The following OXNAD1 variants were observed in gnomAD, a reference collection of about 807,000 sequenced individuals.
The protein encoded by OXNAD1 is oxidoreductase NAD binding domain containing 1.
In OXNAD1, 34 loss-of-function variants were observed where a neutral mutation model predicts 32.9. The observed-to-expected ratio is 1.03, with a 90% CI of 0.79 to 1.38. OXNAD1 has a LOEUF of 1.38. OXNAD1 is among the 40% of genes most tolerant of loss of function. The probability of loss-of-function intolerance (pLI) is 0.00; values close to 1 mark genes in which losing one functional copy is unlikely to be tolerated. For missense variants in OXNAD1, 407 were observed against 379.4 expected, an observed-to-expected ratio of 1.07 and a Z score of -0.60; for synonymous variants, 134 against 135.2, an observed-to-expected ratio of 0.99 and a Z score of 0.06.
chr3:16,316,312 T>G lies in OXNAD1; in HGVS notation c.*30+12720T>G, dbSNP rs1362651771. 1 of 161,698 alleles carries G rather than the reference T, an allele frequency of 6.2e-6. No individual in the cohort carries two copies. Among genetic ancestry groups the G allele is most frequent in the Non-Finnish European group, 1.3e-5 (1 of 75,074 alleles). The allele number at this position is 161,698 out of a possible 1,614,324, so 10.0% of individuals were successfully genotyped here. On this transcript the variant is annotated intron_variant, in intron 9 of 9. Coordinates refer to the OXNAD1 transcript ENST00000435829. This position sits in a 1 kb window ranked among gnomAD's most constrained non-coding sequence, Gnocchi z 4.5. ...ACCTCCCCTCCCCAATGTCATTTTC[T>G]TTGTCAAAGCAGAAGAGTCGAAGGG...
In OXNAD1 at chr3:16,302,722, A is replaced by G. The variant is rs148739171; in HGVS notation, c.758A>G (p.Asn253Ser). 2.2e-5 allele frequency: 35 copies of G among 1,612,996 alleles called. No homozygotes were observed. In the African/African-American group the frequency reaches 4.3e-4, roughly 20 times the overall value. The change falls in exon 8 of 9, where the codon AAT becomes AGT. Residue 253 changes from asparagine to serine, a missense_variant. Physicochemically the swap from Asn to Ser is conservative, Grantham distance 46. Transcript: ENST00000285083. This position sits in a 1 kb window ranked among gnomAD's most constrained non-coding sequence, Gnocchi z 4.2. Reference protein sequence around the residue: ...LHVTKQTTQINAELKPYITEG... With the variant: ...LHVTKQTTQISAELKPYITEG... The stretch of plus-strand genomic sequence containing the variant: ...GTTACAAAACAGACTACACAAATCA[A>G]TGCGGAACTCAAGCCATACATCACG...
chr3:16,325,455 C>G (rs1220065649), intron 9 of OXNAD1, among the ~76,000 whole-genome samples: 4 of 152,186 alleles, frequency 2.6e-5, no homozygotes, highest in African/African-American at 9.7e-5. Flanking sequence ...CCAGCTGGGC[C>G]TTCACATTCA....
At chr3:16,295,257 G>A (rs1356534508) in intron 6 of OXNAD1, among the ~76,000 whole-genome samples, 2 of 152,116 alleles carry the variant, frequency 1.3e-5, no homozygotes, top group Admixed American at 6.5e-5. Flanking sequence ...TTATATTTTA[G>A]ACAAGTTCTA....
intron 9 of OXNAD1, among the ~76,000 whole-genome samples, chr3:16,328,482 G>A (rs2069959280): frequency 6.6e-6 from 1 of 152,232 alleles, no homozygotes; most frequent in African/African-American, 2.4e-5. Context: ...GGCTTTTAAA[G>A]CTTCTATAAC....
At chr3:16,282,367 TAA>T (rs60328037) in intron 4 of OXNAD1, among the ~76,000 whole-genome samples, 21,139 of 145,492 alleles carry the variant, frequency 0.15, 1,594 homozygotes, top group African/African-American at 0.18. Context: ...CCACCCAGCT[TAA>T]AAAAAAAAAA....
At position 16,334,745 on chromosome 3, in the gene OXNAD1, C is replaced by T. The variant is rs150666613; in HGVS notation, c.*31-2367C>T. 6.6e-6 allele frequency among the ~76,000 whole-genome samples: 1 copy of T among 152,184 alleles called. No individual in the cohort carries two copies. The highest frequency in any genetic ancestry group is 2.4e-5 in the African/African-American group (1 of 41,440). ...GCCCCAAAGATGTCTACAGCCTAAT[C>T]CCAGGAGCCTGTGAAAATGTTCCCT... On this transcript the variant is annotated intron_variant, in intron 9 of 9. Coordinates refer to the OXNAD1 transcript ENST00000435829. This position sits in a 1 kb window ranked among gnomAD's most constrained non-coding sequence, Gnocchi z 4.3.
rs2067289125 is a variant in OXNAD1, at chr3:16,302,852, A to T, written c.784+104A>T. ...TATTGTTGGAAGCTGCTGGCTGGGAATGTCACTATCTGGGGAATTGGGATG... is the reference window on the plus strand; with the variant it reads ...TATTGTTGGAAGCTGCTGGCTGGGATTGTCACTATCTGGGGAATTGGGATG... On this transcript the variant is annotated intron_variant, in intron 8 of 8. Coordinates refer to ENST00000285083, the MANE Select transcript of OXNAD1 (RefSeq NM_138381.5). The surrounding 1 kb of genome is among the most constrained non-coding windows in gnomAD (Gnocchi z 4.2). The T allele has an allele frequency of 7.0e-6, 6 of 852,774 alleles. No individual in the cohort carries two copies. The highest frequency in any genetic ancestry group is 1.1e-5 in the Non-Finnish European group (6 of 525,752). 52.8% of individuals were successfully genotyped at this position (852,774 alleles called of 1,614,324 possible).
At chr3:16,282,970 G>A (rs913540489) in intron 4 of OXNAD1, among the ~76,000 whole-genome samples, 1 of 151,880 alleles carries the variant, frequency 6.6e-6, no homozygotes, top group Non-Finnish European at 1.5e-5. Context: ...CAAGGTAGTA[G>A]TTCAAGTGAG....
In OXNAD1 at chr3:16,303,647, T is replaced by C; in HGVS notation, c.*85T>C. ...TTTGTGGCATGATTAATTTTTTTTA[T>C]CTCTACTTGAGTTGTCTTATTTTTT... On this transcript the variant is annotated 3_prime_UTR_variant, in exon 9 of 9. Coordinates refer to ENST00000285083, the MANE Select transcript of OXNAD1 (RefSeq NM_138381.5). This position sits in a 1 kb window ranked among gnomAD's most constrained non-coding sequence, Gnocchi z 4.8. 7.1e-7 allele frequency: 1 copy of C among 1,409,006 alleles called. No individual in the cohort carries two copies. Among genetic ancestry groups the C allele is most frequent in the Non-Finnish European group, 9.5e-7 (1 of 1,054,464 alleles). The allele number at this position is 1,409,006 out of a possible 1,614,324, so 87.3% of individuals were successfully genotyped here.
At position 16,348,604 on chromosome 3, in the gene OXNAD1, G is replaced by A. The variant is rs1411429775; in HGVS notation, c.*31-572G>A. On this transcript the variant is annotated intron_variant, in intron 9 of 9. Coordinates refer to the OXNAD1 transcript ENST00000606098. The surrounding 1 kb of genome is among the most constrained non-coding windows in gnomAD (Gnocchi z 6.3). The stretch of plus-strand genomic sequence containing the variant: ...TGCCTTCCCATTTCCTTTGTAGGAT[G>A]TCTTCTTCCCGAGGCTCCTTGATGT... Among the ~76,000 whole-genome samples, 1 of 152,178 alleles carries A rather than the reference G, an allele frequency of 6.6e-6. No individual in the cohort carries two copies. Among genetic ancestry groups the A allele is most frequent in the Non-Finnish European group, 1.5e-5 (1 of 68,020 alleles).
rs2071505986 is a variant in OXNAD1 at position 16,344,397 on chromosome 3, T to G, written c.*31-4779T>G. Among the ~76,000 whole-genome samples the G allele has an allele frequency of 6.6e-6, 1 of 151,940 alleles. No individual in the cohort carries two copies. The highest frequency in any genetic ancestry group is 1.5e-5 in the Non-Finnish European group (1 of 67,996). Reference sequence around the variant, plus strand: ...ACTATAATCTAATTTAGAAACAACATGTAAAAACAGATACATTCAGAAAAG... The same window carrying G: ...ACTATAATCTAATTTAGAAACAACAGGTAAAAACAGATACATTCAGAAAAG... On this transcript the variant is annotated intron_variant, in intron 9 of 9. Coordinates refer to the OXNAD1 transcript ENST00000606098. The surrounding 1 kb of genome is among the most constrained non-coding windows in gnomAD (Gnocchi z 4.4).
At chr3:16,285,579 A>G (rs1311966255) in intron 4 of OXNAD1, among the ~76,000 whole-genome samples, 1 of 152,246 alleles carries the variant, frequency 6.6e-6, no homozygotes, top group East Asian at 1.9e-4. Flanking sequence ...GTGTTGAGCC[A>G]TGAATGGCAC....
intron 9 of OXNAD1, among the ~76,000 whole-genome samples, chr3:16,332,838 T>TCTAC (rs10662085): frequency 0.51 from 76,851 of 151,214 alleles, 19,534 homozygotes; most frequent in African/African-American, 0.54. Context: ...CATCGATTTA[T>TCTAC]CTACCTACCT....
In OXNAD1 at chr3:16,301,808, T is replaced by C; in HGVS notation, c.615T>C (p.Tyr205=). ...LREQANKRNG[Y]EIGTIKLFYS... is the part of the protein sequence containing the mutation. ...AGCAGGCAAACAAAAGAAATGGATA[T>C]GAGATAGGAACAATAAAACTATTCT... Residue 205 remains tyrosine, a synonymous_variant, in exon 7 of 9, where the codon TAT becomes TAC. Coordinates refer to ENST00000285083, the MANE Select transcript of OXNAD1 (RefSeq NM_138381.5). This position sits in a 1 kb window ranked among gnomAD's most constrained non-coding sequence, Gnocchi z 4.1. 6.2e-7 allele frequency: 1 copy of C among 1,613,828 alleles called. No individual in the cohort carries two copies. The highest frequency in any genetic ancestry group is 8.5e-7 in the Non-Finnish European group (1 of 1,179,766).
chr3:16,326,925 C>T, intron 9 of OXNAD1: 1 of 1,443,068 alleles, frequency 6.9e-7, no homozygotes, highest in Non-Finnish European at 9.7e-7. Context: ...CAAGCCAACT[C>T]CCAGGCAATG....
rs61382102 is a variant in OXNAD1 at position 16,295,062 on chromosome 3, A to G, written c.432+65A>G. ...CTCTGCCACCCACAAAATTTGTGTT[A>G]AGCTCATTTGATTCACCTAAGAAAC... On this transcript the variant is annotated intron_variant, in intron 6 of 8. Coordinates refer to ENST00000285083, the MANE Select transcript of OXNAD1 (RefSeq NM_138381.5). 1,245 of 1,502,942 alleles carry G rather than the reference A, an allele frequency of 8.3e-4. 10 individuals carry two copies. In the African/African-American group the frequency reaches 0.014, roughly 17 times the overall value. The allele number at this position is 1,502,942 out of a possible 1,614,324, so 93.1% of individuals were successfully genotyped here.
intron 9 of OXNAD1, among the ~76,000 whole-genome samples, chr3:16,343,868 G>A (rs957628220): frequency 1.3e-5 from 2 of 152,190 alleles, no homozygotes; most frequent in African/African-American, 2.4e-5. Context: ...TTCAAAAGGA[G>A]GGGAGAGCAA....
intron 9 of OXNAD1, chr3:16,326,997 TCAGAGGC>T: frequency 1.5e-6 from 1 of 676,182 alleles, no homozygotes; most frequent in Non-Finnish European, 2.5e-6. Flanking sequence ...GCCCGGCCAC[TCAGAGGC>T]TCCTGCTCCG....
At chr3:16,323,812 A>G (rs2069359978) in intron 9 of OXNAD1, among the ~76,000 whole-genome samples, 1 of 152,162 alleles carries the variant, frequency 6.6e-6, no homozygotes, top group Non-Finnish European at 1.5e-5. Flanking sequence ...TCTGGTAATG[A>G]TGGGCAGGTA....
Sources: gnomAD v4.1 joint callset for allele counts (sites outside exome capture counted in the v4.1 genomes callset) on GRCh38, gnomAD v4.1.1 for gene constraint, Gnocchi (gnomAD v3.1) non-coding constraint, MANE v1.5 for transcripts, NCBI Gene and HGNC (gene_info 2026-07-23, HGNC 2026-07-21) for gene names.